The following PDE1A variants were observed in gnomAD, a reference collection of about 807,000 sequenced individuals.
PDE1A encodes the protein phosphodiesterase 1A.
PDE1A carries 35 observed loss-of-function variants against 61.7 expected under a neutral mutation model. That is an observed-to-expected ratio of 0.57 (90% confidence interval 0.43 to 0.75). The LOEUF (loss-of-function observed/expected upper bound fraction) is 0.75, where lower values mean the gene tolerates loss of function less well. Among genes scored for constraint, PDE1A ranks in the 30% least tolerant of loss-of-function variants. The pLI is 0.00. For missense variants in PDE1A, 597 were observed against 630.6 expected (o/e 0.95, Z 0.57); for synonymous variants, 232 against 213.2 (o/e 1.09, Z -0.77).
At chr2:182,527,715 T>C (rs137916617), upstream of PDE1A, among the ~76,000 whole-genome samples, 9 of 152,146 alleles carry the variant, frequency 5.9e-5, no homozygotes, top group Non-Finnish European at 1.2e-4. Flanking sequence ...CCCATCCAAA[T>C]CTCATTTTGA....
At chr2:182,198,071 T>A (rs1686284223) in intron 10 of PDE1A, among the ~76,000 whole-genome samples, 1 of 151,924 alleles carries the variant, frequency 6.6e-6, no homozygotes, top group South Asian at 2.1e-4. Context: ...AAAATTTCTC[T>A]CAAAAATGTT....
the PDE1A span, among the ~76,000 whole-genome samples, chr2:182,676,729 C>A: frequency 6.6e-6 from 1 of 152,154 alleles, no homozygotes; most frequent in African/African-American, 2.4e-5. Context: ...AGCAAGTAGG[C>A]TTCCTCCCCA....
At chr2:182,276,323 G>T (rs1050906743) in intron 1 of PDE1A, among the ~76,000 whole-genome samples, 1 of 151,998 alleles carries the variant, frequency 6.6e-6, no homozygotes, top group Non-Finnish European at 1.5e-5. Flanking sequence ...CGCGGCAGAG[G>T]AACATAAATT....
chr2:182,338,319 A>C (rs1697970166), intron 1 of PDE1A, among the ~76,000 whole-genome samples: 1 of 152,224 alleles, frequency 6.6e-6, no homozygotes, highest in Non-Finnish European at 1.5e-5. Context: ...CTCACTTCAC[A>C]GGGACTTCAT....
At chr2:182,212,756 G>C (rs9711065) in intron 7 of PDE1A, among the ~76,000 whole-genome samples, 1 of 152,238 alleles carries the variant, frequency 6.6e-6, no homozygotes, top group African/African-American at 2.4e-5. Context: ...CACCTGGCTC[G>C]GAGGGTCCTA....
exon 1 of PDE1A, chr2:182,426,888 T>C: frequency 1.6e-6 from 2 of 1,269,564 alleles, no homozygotes; most frequent in Non-Finnish European, 2.0e-6. Context: ...AAGAGTCACG[T>C]TGATCCAGGC....
At chr2:182,270,029 T>C (rs2125812251) in intron 1 of PDE1A, among the ~76,000 whole-genome samples, 1 of 152,272 alleles carries the variant, frequency 6.6e-6, no homozygotes. Context: ...ATTAATGATC[T>C]TTTCCCAAAG....
intron 1 of PDE1A, among the ~76,000 whole-genome samples, chr2:182,389,756 T>G (rs1038805806): frequency 6.6e-6 from 1 of 151,954 alleles, no homozygotes; most frequent in Admixed American, 6.6e-5. Flanking sequence ...TTGGGAGAGG[T>G]AGACTCACCC....
At chr2:182,573,337 T>C in the PDE1A span, among the ~76,000 whole-genome samples, 1 of 152,030 alleles carries the variant, frequency 6.6e-6, no homozygotes, top group Non-Finnish European at 1.5e-5. Context: ...AACTTCCAGA[T>C]TGACAGAAAT....
the PDE1A span, among the ~76,000 whole-genome samples, chr2:182,593,646 G>A: frequency 8.5e-5 from 13 of 152,292 alleles, no homozygotes; most frequent in African/African-American, 2.9e-4. Flanking sequence ...ATATAATTAT[G>A]TAGAGTGACT....
At chr2:182,175,475 A>C (rs1182995076) in intron 13 of PDE1A, among the ~76,000 whole-genome samples, 2 of 145,548 alleles carry the variant, frequency 1.4e-5, no homozygotes, top group African/African-American at 5.1e-5. Context: ...GGCTGCATAA[A>C]TGTCTTCTTT....
intron 1 of PDE1A, among the ~76,000 whole-genome samples, chr2:182,302,561 G>A (rs1454644984): frequency 6.6e-6 from 1 of 152,230 alleles, no homozygotes; most frequent in African/African-American, 2.4e-5. Flanking sequence ...AAAGGGTTCT[G>A]CCTCTGTGTT....
intron 1 of PDE1A, among the ~76,000 whole-genome samples, chr2:182,369,335 GTTTA>G (rs1482668211): frequency 6.6e-6 from 1 of 152,016 alleles, no homozygotes; most frequent in Non-Finnish European, 1.5e-5. Flanking sequence ...TATCGCACAG[GTTTA>G]TTGTTTCATT....
intron 1 of PDE1A, among the ~76,000 whole-genome samples, chr2:182,425,314 A>G (rs1703544697): frequency 6.6e-6 from 1 of 152,150 alleles, no homozygotes; most frequent in African/African-American, 2.4e-5. Context: ...CACTTGGGAG[A>G]ATATAGATAC....
At chr2:182,402,845 G>A (rs949871176) in intron 1 of PDE1A, among the ~76,000 whole-genome samples, 10 of 151,952 alleles carry the variant, frequency 6.6e-5, no homozygotes, top group Admixed American at 3.9e-4. Context: ...AACAAACAAC[G>A]CCATCAAAAA....
At chr2:182,185,032 T>A (rs933466933) in intron 13 of PDE1A, among the ~76,000 whole-genome samples, 1 of 152,228 alleles carries the variant, frequency 6.6e-6, no homozygotes, top group Admixed American at 6.5e-5. Flanking sequence ...TCTTTCTGAC[T>A]ATAAATATGA....
chr2:182,196,820 T>G (rs2125447918), intron 10 of PDE1A, among the ~76,000 whole-genome samples: 1 of 152,102 alleles, frequency 6.6e-6, no homozygotes, highest in East Asian at 1.9e-4. Flanking sequence ...TATCCATTTC[T>G]ATTTTTGATG....
intron 2 of PDE1A, among the ~76,000 whole-genome samples, chr2:182,438,299 A>C (rs1684570671): frequency 6.6e-6 from 1 of 151,938 alleles, no homozygotes; most frequent in African/African-American, 2.4e-5. Context: ...AAAAAACAAC[A>C]ATCTACTCCA....
intron 13 of PDE1A, among the ~76,000 whole-genome samples, chr2:182,175,686 T>G (rs1574567247): frequency 6.5e-5 from 4 of 61,904 alleles, no homozygotes; most frequent in East Asian, 7.0e-4. Context: ...CTCTTTAGTT[T>G]AATTAGATCC....
Sources: gnomAD v4.1 joint callset for allele counts (sites outside exome capture counted in the v4.1 genomes callset) on GRCh38, gnomAD v4.1.1 for gene constraint, MANE v1.5 for transcripts, NCBI Gene and HGNC (gene_info 2026-07-23, HGNC 2026-07-21) for gene names.